SCNN1B: variants seen among roughly 807,000 people sequenced by gnomAD.
SCNN1B encodes the protein sodium channel epithelial 1 subunit beta.
SCNN1B carries 46 observed loss-of-function variants against 65.3 expected under a neutral mutation model. The ratio of observed to expected loss-of-function variants is 0.70; its 90% CI spans 0.56 to 0.90. The LOEUF (loss-of-function observed/expected upper bound fraction) is 0.90. SCNN1B is among the 40% of genes least tolerant of loss of function. SCNN1B has a pLI of 0.00. For missense variants in SCNN1B, 751 were observed against 830.5 expected (o/e 0.90, Z 1.18); for synonymous variants, 349 against 330.6 (o/e 1.06, Z -0.60).
intron 3 of SCNN1B, among the ~76,000 whole-genome samples, chr16:23,353,462 A>T (rs1302093357): frequency 6.6e-6 from 1 of 151,848 alleles, no homozygotes; most frequent in East Asian, 1.9e-4. Context: ...ATGTGGAGGG[A>T]TCCCCTCAGT....
At chr16:23,346,816 A>G (rs943702336) in intron 1 of SCNN1B, among the ~76,000 whole-genome samples, 1 of 151,408 alleles carries the variant, frequency 6.6e-6, no homozygotes, top group African/African-American at 2.4e-5. Context: ...TCCGTTTTCT[A>G]ATAAAAATCG....
intron 1 of SCNN1B, among the ~76,000 whole-genome samples, chr16:23,347,228 T>C (rs1310049693): frequency 6.6e-6 from 1 of 152,196 alleles, no homozygotes; most frequent in Non-Finnish European, 1.5e-5. Flanking sequence ...TCTGCTTTTT[T>C]GATGGATTCT....
intron 1 of SCNN1B, among the ~76,000 whole-genome samples, chr16:23,309,434 A>AGATAGATAGAT (rs1961293105): frequency 6.6e-6 from 1 of 152,116 alleles, no homozygotes; most frequent in African/African-American, 2.4e-5. Context: ...ATAGATAGAT[A>AGATAGATAGAT]GATAGACAGA....
chr16:23,359,686 G>A (rs2142026831), intron 4 of SCNN1B, among the ~76,000 whole-genome samples: 1 of 152,082 alleles, frequency 6.6e-6, no homozygotes. Context: ...TTAGGAAAAT[G>A]TGAGCCGCAT....
chr16:23,329,413 G>C (rs1192230112), intron 1 of SCNN1B, among the ~76,000 whole-genome samples: 4 of 152,220 alleles, frequency 2.6e-5, no homozygotes. Flanking sequence ...ACTGTATCCA[G>C]CCTGTTTATT....
intron 6 of SCNN1B, 54 bp downstream of exon 6, chr16:23,371,516 T>C: frequency 6.4e-7 from 1 of 1,566,174 alleles, no homozygotes; most frequent in Non-Finnish European, 8.8e-7. Context: ...GGAGCCCACC[T>C]GTCCAGGGCC....
At chr16:23,361,494 C>T (rs887591905) in intron 4 of SCNN1B, among the ~76,000 whole-genome samples, 1 of 152,212 alleles carries the variant, frequency 6.6e-6, no homozygotes, top group Non-Finnish European at 1.5e-5. Flanking sequence ...ATTTGGAATT[C>T]TTCTGTAAAG....
At chr16:23,370,255 G>A (rs538596986) in intron 5 of SCNN1B, among the ~76,000 whole-genome samples, 4 of 152,072 alleles carry the variant, frequency 2.6e-5, no homozygotes, top group African/African-American at 9.7e-5. Flanking sequence ...ACAGGTGGCC[G>A]CCACCATGCC....
At chr16:23,324,124 A>T (rs969513654) in intron 1 of SCNN1B, among the ~76,000 whole-genome samples, 16 of 151,924 alleles carry the variant, frequency 1.1e-4, no homozygotes, top group Admixed American at 8.5e-4. Context: ...AAGATCACAC[A>T]GCCACCCAGC....
chr16:23,343,673 A>G (rs1015008245), intron 1 of SCNN1B, among the ~76,000 whole-genome samples: 1 of 151,202 alleles, frequency 6.6e-6, no homozygotes, highest in Non-Finnish European at 1.5e-5. Flanking sequence ...GGAAGGAAGA[A>G]AAAAAAAAGC....
At chr16:23,354,358 G>A (rs1016938299) in intron 3 of SCNN1B, among the ~76,000 whole-genome samples, 22 of 152,372 alleles carry the variant, frequency 1.4e-4, no homozygotes, top group East Asian at 1.4e-3. Flanking sequence ...TGGGCTGGCC[G>A]GGCGTGTTGG....
At chr16:23,365,277 G>C (rs1962624941) in intron 4 of SCNN1B, among the ~76,000 whole-genome samples, 1 of 150,930 alleles carries the variant, frequency 6.6e-6, no homozygotes, top group Non-Finnish European at 1.5e-5. Flanking sequence ...GGGCAACAGA[G>C]CAAGACTTTG....
intron 1 of SCNN1B, among the ~76,000 whole-genome samples, chr16:23,325,072 G>A (rs1961665499): frequency 6.6e-6 from 1 of 152,134 alleles, no homozygotes; most frequent in South Asian, 2.1e-4. Context: ...AAGGGTATGG[G>A]AGAAAGGAGC....
intron 5 of SCNN1B, among the ~76,000 whole-genome samples, chr16:23,370,520 G>C (rs541694664): frequency 1.1e-4 from 17 of 152,190 alleles, no homozygotes; most frequent in Non-Finnish European, 2.2e-4. Flanking sequence ...CAGGACCGTG[G>C]TGCGTGGGAG....
At chr16:23,357,821 T>A (rs1962451218) in intron 4 of SCNN1B, among the ~76,000 whole-genome samples, 1 of 152,180 alleles carries the variant, frequency 6.6e-6, no homozygotes, top group South Asian at 2.1e-4. Flanking sequence ...CTCACTGTCT[T>A]GGCCAGGGTC....
upstream of SCNN1B, among the ~76,000 whole-genome samples, chr16:23,299,725 G>A (rs991305826): frequency 3.3e-5 from 5 of 152,150 alleles, no homozygotes; most frequent in Non-Finnish European, 5.9e-5. Context: ...AAATAGGAAC[G>A]CTTTTACACT....
chr16:23,285,225 T>C (rs11866397), intron 2 of SCNN1B, among the ~76,000 whole-genome samples: 73,949 of 152,102 alleles, frequency 0.49, 22,060 homozygotes, highest in African/African-American at 0.85. Flanking sequence ...CAGGCTGGAA[T>C]GCCATGATGT....
intron 4 of SCNN1B, among the ~76,000 whole-genome samples, chr16:23,362,927 G>A (rs1962581885): frequency 6.6e-6 from 1 of 152,196 alleles, no homozygotes; most frequent in African/African-American, 2.4e-5. Context: ...CCCGCCCAGA[G>A]CTATTTCTTC....
At chr16:23,301,973 G>C (rs576765858), upstream of SCNN1B, among the ~76,000 whole-genome samples, 2 of 152,184 alleles carry the variant, frequency 1.3e-5, no homozygotes, top group Non-Finnish European at 2.9e-5. Flanking sequence ...ACAGGTACAC[G>C]CGTGGGGTGG....
Sources: gnomAD v4.1 joint callset for allele counts (sites outside exome capture counted in the v4.1 genomes callset) on GRCh38, gnomAD v4.1.1 for gene constraint, MANE v1.5 for transcripts, NCBI Gene and HGNC (gene_info 2026-07-23, HGNC 2026-07-21) for gene names.